Variants in TUBA4B observed in about 807,000 individuals in gnomAD.
TUBA4B encodes tubulin-like protein alpha-4B.
In TUBA4B, 13 loss-of-function variants were observed where a neutral mutation model predicts 18.4. The observed-to-expected ratio is 0.71, with a 90% confidence interval of 0.46 to 1.12. The LOEUF is 1.12. TUBA4B is among the 50% of genes most tolerant of loss of function. The probability of loss-of-function intolerance (pLI) is 0.00; values close to 1 mark genes in which losing one functional copy is unlikely to be tolerated. For missense variants in TUBA4B, 244 were observed against 250.0 expected, an observed-to-expected ratio of 0.98 and a Z score of 0.16; for synonymous variants, 101 against 99.1, an observed-to-expected ratio of 1.02 and a Z score of -0.11.
At chr2:219,269,003 G>A (rs1302377278) in intron 2 of TUBA4B, among the ~76,000 whole-genome samples, 1 of 152,222 alleles carries the variant, frequency 6.6e-6, no homozygotes, top group African/African-American at 2.4e-5. Context: ...GGCTGAGACA[G>A]GAGGATCCCT....
rs1388976282 is a variant in TUBA4B, at chr2:219,271,408, C to T, written c.435C>T (p.Asn145=). Residue 145 remains asparagine (N), a synonymous_variant, in exon 4 of 4, where the codon AAC becomes AAT. Transcript: ENST00000490341. ...EHSDCAFMVD[N]KAIYDICHCN... is the part of the protein sequence containing the mutation. ...CAGACTGTGCCTTCATGGTGGACAA[C>T]AAAGCAATCTATGACATCTGCCACT... 6.2e-7 allele frequency: 1 copy of T among 1,614,228 alleles called. No homozygotes were observed. The highest frequency in any genetic ancestry group is 2.2e-5 in the East Asian group (1 of 44,882).
chr2:219,257,168 C>T (rs1368987175), intron 1 of TUBA4B, among the ~76,000 whole-genome samples: 10 of 150,688 alleles, frequency 6.6e-5, no homozygotes, highest in African/African-American at 4.9e-5. Context: ...CTCAGCCTCC[C>T]GAGTAGCTGG....
intron 1 of TUBA4B, chr2:219,253,740 A>T: frequency 7.8e-7 from 1 of 1,277,300 alleles, no homozygotes; most frequent in Non-Finnish European, 1.1e-6. Context: ...AAACCCTCGC[A>T]CCTCCTGGAG....
At chr2:219,253,905 T>C in intron 1 of TUBA4B, 1 of 1,400,582 alleles carries the variant, frequency 7.1e-7, no homozygotes. Context: ...GTGACAGGTC[T>C]CAGTGAGAAC....
chr2:219,272,134 G>A lies in TUBA4B; in HGVS notation c.*435G>A. ...GAGTGGGGGGAAGAAAAGATAGGGG[G>A]GATGAATACTAGGGGAATACTGTGT... On this transcript the variant is annotated 3_prime_UTR_variant, in exon 4 of 4. Coordinates refer to ENST00000490341, the MANE Select transcript of TUBA4B (RefSeq NM_001355221.1). 1.5e-6 allele frequency: 1 copy of A among 670,100 alleles called. No homozygotes were observed. Among genetic ancestry groups the A allele is most frequent in the Admixed American group, 2.2e-5 (1 of 44,704 alleles). The allele number at this position is 670,100 out of a possible 1,614,324, so 41.5% of individuals were successfully genotyped here. A position where few individuals can be genotyped will look rare whatever the true frequency, so the allele number is the denominator to read the frequency against.
chr2:219,266,450 C>A (rs1221590297), intron 1 of TUBA4B, 71 bp from the exon 2 acceptor site: 7 of 665,868 alleles, frequency 1.1e-5, no homozygotes, highest in Admixed American at 2.3e-5. Flanking sequence ...AGCCACCCAG[C>A]GAGTATAAGG....
chr2:219,258,722 G>A (rs1183509194), intron 1 of TUBA4B, among the ~76,000 whole-genome samples: 1 of 152,054 alleles, frequency 6.6e-6, no homozygotes, highest in Non-Finnish European at 1.5e-5. Flanking sequence ...ATTTGTTACA[G>A]TAACAGTAGG....
At chr2:219,265,315 C>A (rs1193263502) in intron 1 of TUBA4B, among the ~76,000 whole-genome samples, 2 of 152,106 alleles carry the variant, frequency 1.3e-5, no homozygotes, top group Non-Finnish European at 2.9e-5. Context: ...TTGAGGGATT[C>A]AAAGGAGGTA....
chr2:219,267,656 C>T (rs550110776), intron 2 of TUBA4B, among the ~76,000 whole-genome samples: 1 of 151,932 alleles, frequency 6.6e-6, no homozygotes, highest in East Asian at 1.9e-4. Context: ...CCTCTGCCTC[C>T]CGGGTTCAAG....
intron 2 of TUBA4B, among the ~76,000 whole-genome samples, chr2:219,267,440 G>T (rs947853358): frequency 2.0e-5 from 3 of 152,176 alleles, no homozygotes; most frequent in African/African-American, 7.2e-5. Flanking sequence ...AACACAGGCC[G>T]CCGGCTATGA....
chr2:219,257,983 G>GGT (rs1951732689), intron 1 of TUBA4B, among the ~76,000 whole-genome samples: 1 of 94,172 alleles, frequency 1.1e-5, no homozygotes, highest in Non-Finnish European at 2.0e-5. Flanking sequence ...CATTTTGGGT[G>GGT]TTTTTTTTTT....
Position 219,272,067 on chromosome 2 carries a change from G to C in TUBA4B, c.*368G>C. On this transcript the variant is annotated 3_prime_UTR_variant, in exon 4 of 4. Transcript: ENST00000490341. ...CTCCAAGGCCCATGAGGATATGACT[G>C]CCCTGGAGAAGGATTACAAGGAGGT... is the stretch of plus-strand genomic sequence containing the variant. 4.8e-6 allele frequency: 6 copies of C among 1,247,672 alleles called. No individual in the cohort carries two copies. Among genetic ancestry groups the C allele is most frequent in the African/African-American group, 1.5e-5 (1 of 66,218 alleles). The allele number at this position is 1,247,672 out of a possible 1,614,324, so 77.3% of individuals were successfully genotyped here.
Position 219,272,114 on chromosome 2 carries a change from G to T in TUBA4B, c.*415G>T, listed in dbSNP as rs10166888. 0.8 allele frequency: 658,751 copies of T among 822,882 alleles called. 276,987 individuals are homozygous for T. Among genetic ancestry groups the T allele is most frequent in the Non-Finnish European group, 0.9 (445,165 of 494,928 alleles). The allele number at this position is 822,882 out of a possible 1,614,324, so 51.0% of individuals were successfully genotyped here. ...AGGTGGGCATGGATAGTGTGGAGTGGGGGGAAGAAAAGATAGGGGGGATGA... is the reference window on the plus strand; with the variant it reads ...AGGTGGGCATGGATAGTGTGGAGTGTGGGGAAGAAAAGATAGGGGGGATGA... On this transcript the variant is annotated 3_prime_UTR_variant, in exon 4 of 4. Transcript: ENST00000490341.
chr2:219,259,071 A>T (rs1448885958), intron 1 of TUBA4B, among the ~76,000 whole-genome samples: 5 of 151,898 alleles, frequency 3.3e-5, no homozygotes, highest in Admixed American at 3.3e-4. Context: ...TTGTGAGGTC[A>T]GGAGTTTGAG....
chr2:219,262,599 C>G (rs896742357), intron 1 of TUBA4B, among the ~76,000 whole-genome samples: 9 of 152,180 alleles, frequency 5.9e-5, no homozygotes, highest in African/African-American at 2.2e-4. Context: ...CCTTGACCTC[C>G]TGCGCTCAAG....
At chr2:219,269,731 C>A (rs552193598) in intron 2 of TUBA4B, among the ~76,000 whole-genome samples, 1 of 140,380 alleles carries the variant, frequency 7.1e-6, no homozygotes, top group African/African-American at 2.7e-5. Flanking sequence ...TGGGCAGATG[C>A]CCAGTGACAA....
chr2:219,263,974 C>A (rs897032671), intron 1 of TUBA4B, among the ~76,000 whole-genome samples: 1 of 152,196 alleles, frequency 6.6e-6, no homozygotes, highest in Non-Finnish European at 1.5e-5. Flanking sequence ...CAGACCTAGT[C>A]CTGGTTTTGG....
chr2:219,262,605 T>A (rs1217684096), intron 1 of TUBA4B, among the ~76,000 whole-genome samples: 1 of 152,130 alleles, frequency 6.6e-6, no homozygotes, highest in Non-Finnish European at 1.5e-5. Context: ...CCTCCTGCGC[T>A]CAAGTGAGCC....
intron 1 of TUBA4B, among the ~76,000 whole-genome samples, chr2:219,265,836 C>G (rs1951786214): frequency 6.6e-6 from 1 of 152,178 alleles, no homozygotes; most frequent in Non-Finnish European, 1.5e-5. Flanking sequence ...TTGCTTTGCC[C>G]TTGGAGAGCA....
Sources: gnomAD v4.1 joint callset for allele counts (sites outside exome capture counted in the v4.1 genomes callset) on GRCh38, gnomAD v4.1.1 for gene constraint, MANE v1.5 for transcripts, NCBI Gene and HGNC (gene_info 2026-07-23, HGNC 2026-07-21) for gene names.